Variants in CAMK2B observed in about 807,000 individuals in gnomAD.
CAMK2B encodes the protein calcium/calmodulin dependent protein kinase II beta.
CAMK2B carries 27 observed loss-of-function variants against 93.7 expected under a neutral mutation model. The ratio of observed to expected loss-of-function variants is 0.29; its 90% confidence interval spans 0.21 to 0.40. The LOEUF is 0.40. Among genes scored for constraint, CAMK2B ranks in the 10% least tolerant of loss-of-function variants. The probability of loss-of-function intolerance (pLI) is 1.00; values close to 1 mark genes in which losing one functional copy is unlikely to be tolerated. For synonymous variants in CAMK2B, 374 were observed against 358.8 expected, an observed-to-expected ratio of 1.04 and a Z score of -0.48; for missense variants, 568 against 895.8, an observed-to-expected ratio of 0.63 and a Z score of 4.67.
At position 44,226,661 on chromosome 7, in the gene CAMK2B, G is replaced by C; in HGVS notation, c.1469-17C>G. Reference sequence around the variant, plus strand: ...TCCTGGGGGCTGGGGCGGAACAGACGAGACGTGAACACAAGGCAGGCACGG... The same window carrying C: ...TCCTGGGGGCTGGGGCGGAACAGACCAGACGTGAACACAAGGCAGGCACGG... On this transcript the variant is annotated splice_polypyrimidine_tract_variant and intron_variant, in intron 19 of 23. Coordinates refer to ENST00000395749, the MANE Select transcript of CAMK2B (RefSeq NM_001220.5). The C allele has an allele frequency of 1.3e-6, 2 of 1,529,080 alleles. No homozygotes were observed. The highest frequency in any genetic ancestry group is 1.7e-6 in the Non-Finnish European group (2 of 1,147,440). 94.7% of individuals were successfully genotyped at this position (1,529,080 alleles called of 1,614,324 possible).
chr7:44,250,319 G>A (rs1424112270), intron 5 of CAMK2B, among the ~76,000 whole-genome samples: 1 of 152,114 alleles, frequency 6.6e-6, no homozygotes, highest in Non-Finnish European at 1.5e-5. Context: ...TGTTAACATC[G>A]ATGTCTTCTC....
At chr7:44,231,122 G>T (rs1003304308) in intron 16 of CAMK2B, 68 bp from the exon 17 acceptor site, 20 of 1,307,488 alleles carry the variant, frequency 1.5e-5, no homozygotes, top group Non-Finnish European at 1.9e-5. Context: ...CTGAGGGCAG[G>T]TGGACAGGGC....
intron 6 of CAMK2B, among the ~76,000 whole-genome samples, chr7:44,244,473 A>G (rs1490719753): frequency 1.4e-5 from 2 of 141,044 alleles, no homozygotes; most frequent in East Asian, 4.4e-4. Flanking sequence ...CTTGTCCCTG[A>G]CCAGCAGGGG....
intron 1 of CAMK2B, among the ~76,000 whole-genome samples, chr7:44,313,344 G>A (rs778365994): frequency 4.6e-5 from 7 of 152,106 alleles, no homozygotes; most frequent in Non-Finnish European, 7.4e-5. Flanking sequence ...CTTTCTCTGA[G>A]GAAGGAAAAA....
intron 15 of CAMK2B, among the ~76,000 whole-genome samples, chr7:44,233,305 G>A (rs549445255): frequency 1.3e-5 from 2 of 152,238 alleles, no homozygotes; most frequent in African/African-American, 2.4e-5. Context: ...GACAGGGTCC[G>A]AGATGGGGCT....
Position 44,245,412 on chromosome 7 carries a change from C to T in CAMK2B, c.414+1708G>A, listed in dbSNP as rs370989553. Among the ~76,000 whole-genome samples, 10 of 152,370 alleles carry T rather than the reference C, an allele frequency of 6.6e-5. No homozygotes were observed. In the East Asian group the frequency reaches 1.9e-3, roughly 29 times the overall value. On this transcript the variant is annotated intron_variant, in intron 6 of 23. Transcript: ENST00000395749. ...GGAGAAAAGGACATCCTGTCCCCCT[C>T]AACAGGAGGTTGAGACAGCAAGAAT...
chr7:44,250,693 C>T (rs1346720960), intron 5 of CAMK2B, among the ~76,000 whole-genome samples: 3 of 152,158 alleles, frequency 2.0e-5, no homozygotes, highest in Non-Finnish European at 2.9e-5. Context: ...CCACACCAGG[C>T]TAATTTTTAT....
chr7:44,293,575 G>A (rs764483848), intron 1 of CAMK2B, among the ~76,000 whole-genome samples: 4 of 152,206 alleles, frequency 2.6e-5, no homozygotes, highest in Non-Finnish European at 4.4e-5. Context: ...TGGGGCAAGG[G>A]CTAGGGGAAA....
chr7:44,236,802 A>G (rs2096630398), intron 13 of CAMK2B, among the ~76,000 whole-genome samples: 1 of 152,168 alleles, frequency 6.6e-6, no homozygotes, highest in Non-Finnish European at 1.5e-5. Context: ...AGTGCCAGCC[A>G]GCCTGAGGCT....
At chr7:44,273,442 C>T (rs543734891) in intron 2 of CAMK2B, among the ~76,000 whole-genome samples, 14 of 152,180 alleles carry the variant, frequency 9.2e-5, no homozygotes, top group Non-Finnish European at 2.1e-4. Flanking sequence ...AACCAAGGTG[C>T]CTAGACTCTC....
At chr7:44,220,479 G>T in intron 22 of CAMK2B, 137 bp downstream of exon 22, 1 of 868,468 alleles carries the variant, frequency 1.2e-6, no homozygotes, top group Non-Finnish European at 1.8e-6. Flanking sequence ...CCTCTGGCGG[G>T]GGAGAGGTGG....
At chr7:44,276,707 G>A (rs2097047881) in intron 2 of CAMK2B, among the ~76,000 whole-genome samples, 1 of 152,212 alleles carries the variant, frequency 6.6e-6, no homozygotes, top group Non-Finnish European at 1.5e-5. Flanking sequence ...TCTCTGTGGG[G>A]TGAGCCTCGG....
chr7:44,294,181 C>T (rs746742346), intron 1 of CAMK2B, among the ~76,000 whole-genome samples: 5 of 152,144 alleles, frequency 3.3e-5, no homozygotes, highest in African/African-American at 9.7e-5. Flanking sequence ...CTTCTTGGGT[C>T]CTCCCTGCCC....
chr7:44,323,412 A>G (rs1254576743), intron 1 of CAMK2B, among the ~76,000 whole-genome samples: 1 of 152,114 alleles, frequency 6.6e-6, no homozygotes, highest in Non-Finnish European at 1.5e-5. Context: ...TCTTAGCCCC[A>G]CCTGGTCTCC....
chr7:44,229,356 A>G, intron 18 of CAMK2B, 32 bp downstream of exon 18: 2 of 1,426,954 alleles, frequency 1.4e-6, no homozygotes, highest in South Asian at 1.3e-5. Flanking sequence ...CTCCAACATG[A>G]CCCCCACAGC....
In CAMK2B at chr7:44,220,707, T is replaced by A. The variant is rs2096389443; in HGVS notation, c.1677A>T (p.Lys559Asn). The stretch of plus-strand genomic sequence containing the variant: ...ACGAGGTCAGCCCTGGGTCACAGAT[T>A]TTCCTGGGGGCCAAATCCAAGTGAG... ...VNNGDFEAYA[K>N]ICDPGLTSFE... Residue 559 changes from lysine (K) to asparagine (N), a missense_variant, in exon 22 of 24, where the codon AAA (lysine) becomes AAT (asparagine). Physicochemically the swap from Lys to Asn is moderately conservative, Grantham distance 94. Coordinates refer to ENST00000395749, the MANE Select transcript of CAMK2B (RefSeq NM_001220.5). 1.9e-6 allele frequency: 3 copies of A among 1,610,686 alleles called. No homozygotes were observed. The highest frequency in any genetic ancestry group is 2.5e-6 in the Non-Finnish European group (3 of 1,178,556).
At position 44,237,382 on chromosome 7, in the gene CAMK2B, C is replaced by T. The variant is rs114035220; in HGVS notation, c.1021+2207G>A. 4.4e-3 allele frequency among the ~76,000 whole-genome samples: 678 copies of T among 152,362 alleles called. 6 individuals are homozygous for T. Among genetic ancestry groups the T allele is most frequent in the African/African-American group, 0.016 (654 of 41,578 alleles). Reference sequence around the variant, plus strand: ...ACAGTCCAGTGGGCAGCAAATGCCACGTACAAACCAGCCCTCCTCGAAGGA... The same window carrying T: ...ACAGTCCAGTGGGCAGCAAATGCCATGTACAAACCAGCCCTCCTCGAAGGA... On this transcript the variant is annotated intron_variant, in intron 13 of 23. Coordinates refer to ENST00000395749, the MANE Select transcript of CAMK2B (RefSeq NM_001220.5).
Position 44,220,833 on chromosome 7 carries a change from C to T in CAMK2B, c.1666G>A (p.Ala556Thr). 1 of 1,568,916 alleles carries T rather than the reference C, an allele frequency of 6.4e-7. No individual in the cohort carries two copies. The highest frequency in any genetic ancestry group is 8.7e-7 in the Non-Finnish European group (1 of 1,156,038). The change falls in exon 21 of 24, where the codon GCC (alanine) becomes ACC (threonine). Residue 556 changes from alanine to threonine, a missense_variant. Transcript: ENST00000395749. Reference sequence around the variant, plus strand: ...CCAGCCCCAGGGACTCACGCGTAGGCCTCAAAGTCACCGTTGTTGACGGCC... The same window carrying T: ...CCAGCCCCAGGGACTCACGCGTAGGTCTCAAAGTCACCGTTGTTGACGGCC... Reference protein sequence around the residue: ...IEAVNNGDFEAYAKICDPGLT... With the variant: ...IEAVNNGDFETYAKICDPGLT...
rs1032939215 is a variant in CAMK2B, at chr7:44,311,706, C to T, written c.65+13651G>A. On this transcript the variant is annotated intron_variant, in intron 1 of 23. Transcript: ENST00000395749. The surrounding 1 kb of genome is among the most constrained non-coding windows in gnomAD (Gnocchi z 4.2). ...TGTGTCATCCTTCACACAGGACCCC[C>T]ACCGCCCCAGCTCTGGGCCTCAGGG... Among the ~76,000 whole-genome samples, 1 of 152,236 alleles carries T rather than the reference C, an allele frequency of 6.6e-6. No homozygotes were observed. The highest frequency in any genetic ancestry group is 6.5e-5 in the Admixed American group (1 of 15,288).
Sources: allele counts gnomAD v4.1 joint callset (sites outside exome capture counted in the v4.1 genomes callset), GRCh38; gene constraint gnomAD v4.1.1; non-coding constraint Gnocchi (gnomAD v3.1); transcripts MANE v1.5; gene names NCBI Gene and HGNC (gene_info 2026-07-23, HGNC 2026-07-21).